Variants in NLGN4X observed in about 807,000 individuals in gnomAD.
NLGN4X encodes neuroligin 4 X-linked, also known as neuroligin-4, X-linked.
NLGN4X carries 3 observed loss-of-function variants against 40.3 expected under a neutral mutation model. The observed-to-expected ratio is 0.07, with a 90% confidence interval of 0.03 to 0.19. The LOEUF (loss-of-function observed/expected upper bound fraction) is 0.19, where lower values mean the gene tolerates loss of function less well. Among genes scored for constraint, NLGN4X ranks in the 10% least tolerant of loss-of-function variants. The pLI is 1.00. For synonymous variants in NLGN4X, 270 were observed against 306.8 expected, an observed-to-expected ratio of 0.88 and a Z score of 1.25; for missense variants, 382 against 708.3, an observed-to-expected ratio of 0.54 and a Z score of 5.23.
At chrX:6,059,592 C>T (rs190358957) in intron 2 of NLGN4X, among the ~76,000 whole-genome samples, 29 of 111,418 alleles carry the variant, frequency 2.6e-4, no homozygotes, top group Non-Finnish European at 4.7e-4. Context: ...CCTGTGGTAG[C>T]GACTGCCTTA....
At chrX:5,973,932 T>C (rs1191315923) in intron 3 of NLGN4X, among the ~76,000 whole-genome samples, 11 of 112,408 alleles carry the variant, frequency 9.8e-5, no homozygotes, top group Non-Finnish European at 1.5e-4. Flanking sequence ...AATCAATGAA[T>C]TATGGTAGGT....
intron 2 of NLGN4X, among the ~76,000 whole-genome samples, chrX:6,082,004 G>A (rs771842213): frequency 1.2e-3 from 135 of 112,043 alleles, no homozygotes; most frequent in African/African-American, 4.0e-3. Flanking sequence ...TTCATGTCTC[G>A]TTCTCTGTTA....
At chrX:6,059,222 G>T (rs1038492506) in intron 2 of NLGN4X, among the ~76,000 whole-genome samples, 4 of 111,709 alleles carry the variant, frequency 3.6e-5, no homozygotes, top group Non-Finnish European at 7.5e-5. Context: ...TGATCCAAGT[G>T]TGTCTACATG....
chrX:6,202,783 T>G (rs1274263668), intron 1 of NLGN4X, among the ~76,000 whole-genome samples: 1 of 112,551 alleles, frequency 8.9e-6, no homozygotes, highest in African/African-American at 3.2e-5. Context: ...TAAACATCTC[T>G]GTCAGTCTCA....
intron 3 of NLGN4X, among the ~76,000 whole-genome samples, chrX:6,014,023 T>C (rs1402550502): frequency 9.3e-6 from 1 of 107,984 alleles, no homozygotes; most frequent in African/African-American, 3.4e-5. Context: ...TCTAGTAAAA[T>C]ACAAAAAAAT....
intron 1 of NLGN4X, among the ~76,000 whole-genome samples, chrX:6,207,588 A>G (rs1473237131): frequency 1.8e-5 from 2 of 112,250 alleles, no homozygotes; most frequent in African/African-American, 6.4e-5. Context: ...AATATTAAAT[A>G]AATGCATATG....
intron 1 of NLGN4X, among the ~76,000 whole-genome samples, chrX:6,228,095 A>C (rs1926548631): frequency 9.1e-6 from 1 of 109,894 alleles, no homozygotes; most frequent in African/African-American, 3.3e-5. Context: ...AGATACATAT[A>C]TATTTTTTTC....
At chrX:6,190,679 A>T (rs1229170478) in intron 1 of NLGN4X, among the ~76,000 whole-genome samples, 1 of 111,825 alleles carries the variant, frequency 8.9e-6, no homozygotes, top group Non-Finnish European at 1.9e-5. Context: ...AGACAGTGAG[A>T]AGGATCTCAT....
Position 5,893,766 on chromosome X carries a change from A to G in NLGN4X, c.1602-100T>C, listed in dbSNP as rs61095217. The G allele has an allele frequency of 0.2, 188,795 of 936,185 alleles. 14,359 individuals are homozygous for G. The highest frequency in any genetic ancestry group is 0.36 in the African/African-American group (18,247 of 50,677). The allele number at this position is 936,185 out of a possible 1,213,427, so 77.2% of individuals were successfully genotyped here. ...ATCAGGAAGTTACAATCTGCTCTTC[A>G]TATATATTTATCAATGAGCACAAAA... is the stretch of plus-strand genomic sequence containing the variant. On this transcript the variant is annotated intron_variant, in intron 5 of 5. Coordinates refer to ENST00000381095, the MANE Select transcript of NLGN4X (RefSeq NM_181332.3).
chrX:6,177,457 C>T (rs1158599282), intron 1 of NLGN4X, among the ~76,000 whole-genome samples: 1 of 112,105 alleles, frequency 8.9e-6, no homozygotes, highest in Non-Finnish European at 1.9e-5. Context: ...TGAGCCACTG[C>T]GCCTGGCCCC....
chrX:6,043,230 A>G (rs1322882627), intron 2 of NLGN4X, among the ~76,000 whole-genome samples: 1 of 108,981 alleles, frequency 9.2e-6, no homozygotes, highest in Non-Finnish European at 1.9e-5. Context: ...TTTTAACACA[A>G]TATTTCAAGA....
At position 5,918,671 on chromosome X, in the gene NLGN4X, C is replaced by T. The variant is rs549393291; in HGVS notation, c.626-9432G>A. ...ATTATTTATACTATTTTTATATGTTCTAACATTAAGGTTTTTCTTTTCTTT... is the reference window on the plus strand; with the variant it reads ...ATTATTTATACTATTTTTATATGTTTTAACATTAAGGTTTTTCTTTTCTTT... On this transcript the variant is annotated intron_variant, in intron 3 of 5. Coordinates refer to ENST00000381095, the MANE Select transcript of NLGN4X (RefSeq NM_181332.3). Among the ~76,000 whole-genome samples, 31 of 112,262 alleles carry T rather than the reference C, an allele frequency of 2.8e-4. No homozygotes were observed. In the South Asian group the frequency reaches 0.01, roughly 37 times the overall value.
intron 3 of NLGN4X, chrX:5,991,581 A>G: frequency 2.1e-6 from 1 of 484,981 alleles, no homozygotes; most frequent in Non-Finnish European, 3.8e-6. Context: ...TAGAAAATCC[A>G]CGAGGAAATA....
intron 3 of NLGN4X, among the ~76,000 whole-genome samples, chrX:5,939,495 A>C (rs1183964687): frequency 1.8e-5 from 2 of 111,248 alleles, no homozygotes; most frequent in Non-Finnish European, 3.8e-5. Flanking sequence ...CCATCAAATA[A>C]ATTGGCTGAA....
chrX:6,191,293 G>A (rs1922514687), intron 1 of NLGN4X, among the ~76,000 whole-genome samples: 1 of 111,395 alleles, frequency 9.0e-6, no homozygotes, highest in Admixed American at 9.5e-5. Context: ...GAAAGGAAAT[G>A]TTGCACACAG....
At chrX:5,978,264 G>A (rs916235950) in intron 3 of NLGN4X, among the ~76,000 whole-genome samples, 7 of 107,808 alleles carry the variant, frequency 6.5e-5, no homozygotes, top group African/African-American at 2.0e-4. Flanking sequence ...AAAGACAGGC[G>A]TCTCTTTTTT....
intron 3 of NLGN4X, among the ~76,000 whole-genome samples, chrX:5,939,307 T>G (rs982165005): frequency 9.1e-6 from 1 of 110,353 alleles, no homozygotes; most frequent in Non-Finnish European, 1.9e-5. Context: ...ATGCTTAAAT[T>G]TTGGAAGTGG....
chrX:5,898,918 C>T (rs2031682690), intron 5 of NLGN4X, among the ~76,000 whole-genome samples: 1 of 111,763 alleles, frequency 8.9e-6, no homozygotes, highest in Non-Finnish European at 1.9e-5. Flanking sequence ...CTTCTCTGCC[C>T]TGGAGTGATC....
intron 1 of NLGN4X, among the ~76,000 whole-genome samples, chrX:6,168,189 T>C (rs979914306): frequency 2.7e-5 from 3 of 112,153 alleles, no homozygotes; most frequent in Non-Finnish European, 5.6e-5. Flanking sequence ...TGTTTCTGCA[T>C]GTTCTTTTCA....
Sources: gnomAD v4.1 joint callset for allele counts (sites outside exome capture counted in the v4.1 genomes callset) on GRCh38, gnomAD v4.1.1 for gene constraint, MANE v1.5 for transcripts, NCBI Gene and HGNC (gene_info 2026-07-23, HGNC 2026-07-21) for gene names.